Variants in PRLR observed in about 807,000 individuals in gnomAD.
PRLR encodes prolactin receptor, also known as hPRL receptor.
PRLR carries 13 observed loss-of-function variants against 40.2 expected under a neutral mutation model. The observed-to-expected ratio is 0.32, with a 90% CI of 0.21 to 0.51. The LOEUF (loss-of-function observed/expected upper bound fraction) is 0.51. Ranked by LOEUF, PRLR falls within the 20% of genes least tolerant of loss-of-function variation. The pLI, the probability that PRLR is intolerant of heterozygous loss-of-function variation, is 0.97. For synonymous variants in PRLR, 269 were observed against 278.7 expected (o/e 0.97, Z 0.35); for missense variants, 656 against 747.3 (o/e 0.88, Z 1.42).
intron 1 of PRLR, among the ~76,000 whole-genome samples, chr5:35,161,928 A>G (rs1579749291): frequency 6.6e-6 from 1 of 152,222 alleles, no homozygotes; most frequent in South Asian, 2.1e-4. Flanking sequence ...AAGTCTTGTG[A>G]GACAGAAAAA....
intron 1 of PRLR, among the ~76,000 whole-genome samples, chr5:35,215,645 T>C (rs191301530): frequency 1.6e-4 from 25 of 152,232 alleles, no homozygotes; most frequent in Admixed American, 9.2e-4. Context: ...GTCTGTCTGA[T>C]TCTAGCAAAA....
rs55934270 is a variant in PRLR at position 35,228,232 on chromosome 5, C to CAAA, written c.-106+2033_-106+2035dup. 9.2e-4 allele frequency among the ~76,000 whole-genome samples: 80 copies of CAAA among 87,350 alleles called. 1 individual carries two copies. Among genetic ancestry groups the CAAA allele is most frequent in the African/African-American group, 2.7e-3 (68 of 25,616 alleles). 57.3% of individuals were successfully genotyped at this position (87,350 alleles called of 152,430 possible). ...TATTTCCATTCTCCCAACAACCATG[C>CAAA]AAAAAAAAAAAAAAAAAAAAAGCAG... On this transcript the variant is annotated intron_variant, in intron 1 of 9. Coordinates refer to ENST00000618457, the MANE Select transcript of PRLR (RefSeq NM_000949.7).
intron 2 of PRLR, among the ~76,000 whole-genome samples, chr5:35,109,659 A>G (rs559317336): frequency 1.2e-3 from 185 of 152,306 alleles, no homozygotes; most frequent in African/African-American, 4.1e-3. Flanking sequence ...AATCAAAACC[A>G]CAATGAGATA....
At chr5:35,129,614 C>G (rs1344373249) in intron 1 of PRLR, among the ~76,000 whole-genome samples, 1 of 152,074 alleles carries the variant, frequency 6.6e-6, no homozygotes, top group Non-Finnish European at 1.5e-5. Flanking sequence ...AATCCACCCT[C>G]TCTATCATTC....
intron 4 of PRLR, 60 bp downstream of exon 4, chr5:35,086,148 T>C: frequency 6.3e-7 from 1 of 1,590,992 alleles, no homozygotes; most frequent in Non-Finnish European, 8.6e-7. Context: ...CAGTGTTTCT[T>C]TGGCCTGGAG....
chr5:35,089,179 C>T (rs1771052135), intron 3 of PRLR, among the ~76,000 whole-genome samples: 1 of 152,142 alleles, frequency 6.6e-6, no homozygotes, highest in Non-Finnish European at 1.5e-5. Flanking sequence ...ATTTCATCTG[C>T]AGTAGAGGAA....
At chr5:35,229,770 C>G (rs1579825867) in intron 1 of PRLR, among the ~76,000 whole-genome samples, 1 of 152,026 alleles carries the variant, frequency 6.6e-6, no homozygotes, top group Admixed American at 6.6e-5. Context: ...GAGGCTGCTG[C>G]GGCGGCGGCT....
At position 35,055,981 on chromosome 5, in the gene PRLR, C is replaced by T. The variant is rs1321685450; in HGVS notation, c.*9108G>A. On this transcript the variant is annotated 3_prime_UTR_variant, in exon 10 of 10. Transcript: ENST00000618457. ...ATTTACAAATACAGTAATAAAAATT[C>T]CTGAGCTCCCTTTTCTTACACCAGT... 6.6e-6 allele frequency: 1 copy of T among 152,190 alleles called. No individual in the cohort carries two copies. Among genetic ancestry groups the T allele is most frequent in the Non-Finnish European group, 1.5e-5 (1 of 68,010 alleles). 9.4% of individuals were successfully genotyped at this position (152,190 alleles called of 1,614,324 possible). A position where few individuals can be genotyped will look rare whatever the true frequency, so the allele number is the denominator to read the frequency against.
intron 1 of PRLR, among the ~76,000 whole-genome samples, chr5:35,132,062 C>G (rs1773701733): frequency 6.6e-6 from 1 of 152,174 alleles, no homozygotes; most frequent in Non-Finnish European, 1.5e-5. Flanking sequence ...CCCTTCAATC[C>G]TCACTCTGGC....
chr5:35,094,884 G>T (rs956748818), intron 2 of PRLR, among the ~76,000 whole-genome samples: 2 of 147,000 alleles, frequency 1.4e-5, no homozygotes, highest in African/African-American at 5.1e-5. Flanking sequence ...CTGGAGTGCA[G>T]TGGCATGATC....
At chr5:35,206,977 A>G (rs1016963776) in intron 1 of PRLR, among the ~76,000 whole-genome samples, 15 of 152,130 alleles carry the variant, frequency 9.9e-5, no homozygotes, top group Non-Finnish European at 2.1e-4. Flanking sequence ...TCTTTGTTGC[A>G]GATCTCATCT....
intron 1 of PRLR, among the ~76,000 whole-genome samples, chr5:35,223,675 C>T (rs556647490): frequency 6.6e-6 from 1 of 152,330 alleles, no homozygotes; most frequent in African/African-American, 2.4e-5. Flanking sequence ...ATGCTGCCCT[C>T]CAGAATTGCA....
intron 1 of PRLR, among the ~76,000 whole-genome samples, chr5:35,206,778 C>G (rs1192750314): frequency 2.6e-5 from 4 of 151,712 alleles, no homozygotes; most frequent in Non-Finnish European, 5.9e-5. Flanking sequence ...AATCATAGTC[C>G]ATATGGCAAA....
chr5:35,201,296 C>T (rs765957947), intron 1 of PRLR, among the ~76,000 whole-genome samples: 4 of 152,082 alleles, frequency 2.6e-5, no homozygotes, highest in Non-Finnish European at 5.9e-5. Context: ...GATTTGAGGG[C>T]TATAGCTTTT....
chr5:35,164,719 A>G (rs16872490), intron 1 of PRLR, among the ~76,000 whole-genome samples: 47,450 of 152,072 alleles, frequency 0.31, 7,788 homozygotes, highest in African/African-American at 0.4. Flanking sequence ...GTGTACAATG[A>G]AATGGAGAGA....
chr5:35,144,625 T>A (rs1286487649), intron 1 of PRLR, among the ~76,000 whole-genome samples: 2 of 139,108 alleles, frequency 1.4e-5, no homozygotes, highest in African/African-American at 5.2e-5. Flanking sequence ...GGCTAATTTT[T>A]TTTTTTTTTT....
At position 35,058,329 on chromosome 5, in the gene PRLR, A is replaced by C. The variant is rs1768836196; in HGVS notation, c.*6760T>G. 6.6e-6 allele frequency: 1 copy of C among 152,228 alleles called. No homozygotes were observed. The highest frequency in any genetic ancestry group is 2.4e-5 in the African/African-American group (1 of 41,470). The allele number at this position is 152,228 out of a possible 1,614,324, so 9.4% of individuals were successfully genotyped here. Reference sequence around the variant, plus strand: ...GGCTTTACAGAAGACACAGTCACCCAACAGGCTGGTTCTAGATTGCTTTGG... The same window carrying C: ...GGCTTTACAGAAGACACAGTCACCCCACAGGCTGGTTCTAGATTGCTTTGG... On this transcript the variant is annotated 3_prime_UTR_variant, in exon 10 of 10. Coordinates refer to ENST00000618457, the MANE Select transcript of PRLR (RefSeq NM_000949.7).
intron 2 of PRLR, among the ~76,000 whole-genome samples, chr5:35,111,866 G>A (rs537477507): frequency 1.3e-5 from 2 of 152,256 alleles, no homozygotes; most frequent in East Asian, 1.9e-4. Flanking sequence ...CTGGGAGGAT[G>A]ATTCTAAAAT....
chr5:35,189,694 C>T (rs930270870), intron 1 of PRLR, among the ~76,000 whole-genome samples: 12 of 152,044 alleles, frequency 7.9e-5, no homozygotes, highest in Non-Finnish European at 1.3e-4. Context: ...GTCAAGACGC[C>T]GGAGTTCTAG....
Sources: gnomAD v4.1 joint callset for allele counts (sites outside exome capture counted in the v4.1 genomes callset) on GRCh38, gnomAD v4.1.1 for gene constraint, MANE v1.5 for transcripts, NCBI Gene and HGNC (gene_info 2026-07-23, HGNC 2026-07-21) for gene names.